The following SEMA6D variants were observed in gnomAD, a reference collection of about 807,000 sequenced individuals.
The protein encoded by SEMA6D is semaphorin-6D.
A neutral mutation model predicts 106.6 loss-of-function variants in SEMA6D; 35 were observed. The observed-to-expected ratio is 0.33, with a 90% CI of 0.25 to 0.44. The LOEUF (loss-of-function observed/expected upper bound fraction) is 0.44. Among genes scored for constraint, SEMA6D ranks in the 20% least tolerant of loss-of-function variants. SEMA6D has a pLI of 1.00. For synonymous variants in SEMA6D, 499 were observed against 487.7 expected (o/e 1.02, Z -0.31); for missense variants, 1,185 against 1,345.9 (o/e 0.88, Z 1.87).
intron 3 of SEMA6D, among the ~76,000 whole-genome samples, chr15:47,518,458 G>T (rs528956744): frequency 6.6e-5 from 10 of 152,268 alleles, no homozygotes; most frequent in Middle Eastern, 3.4e-3. Context: ...AGGTGATTTT[G>T]TCTTTGTGCA....
chr15:47,222,230 G>C (rs1423708383), intron 1 of SEMA6D, among the ~76,000 whole-genome samples: 1 of 152,180 alleles, frequency 6.6e-6, no homozygotes. Context: ...ACATCCTACA[G>C]AAATGACCCA....
At chr15:47,409,027 T>G (rs2040693887) in intron 1 of SEMA6D, among the ~76,000 whole-genome samples, 1 of 152,214 alleles carries the variant, frequency 6.6e-6, no homozygotes, top group African/African-American at 2.4e-5. Flanking sequence ...ACTGATGCAC[T>G]TCAAGTATTA....
chr15:47,536,968 A>G (rs1029693737), intron 3 of SEMA6D, among the ~76,000 whole-genome samples: 2 of 152,240 alleles, frequency 1.3e-5, no homozygotes, highest in Middle Eastern at 3.2e-3. Context: ...GAAAACATTT[A>G]ATTAAGAAAA....
chr15:47,232,721 A>G (rs1839385435), intron 1 of SEMA6D, among the ~76,000 whole-genome samples: 1 of 151,210 alleles, frequency 6.6e-6, no homozygotes, highest in African/African-American at 2.4e-5. Flanking sequence ...TTTTCCATTC[A>G]TATACTTTGT....
chr15:47,282,516 C>G (rs2035173679), intron 1 of SEMA6D, among the ~76,000 whole-genome samples: 1 of 152,146 alleles, frequency 6.6e-6, no homozygotes, highest in African/African-American at 2.4e-5. Context: ...ACTGTTGCTA[C>G]AAACACTCTT....
intron 3 of SEMA6D, among the ~76,000 whole-genome samples, chr15:47,545,257 T>C (rs2045484728): frequency 6.6e-6 from 1 of 152,120 alleles, no homozygotes. Context: ...TATAACCAAT[T>C]GAGTTGCAAA....
chr15:47,739,333 G>C (rs895815717), intron 1 of SEMA6D, among the ~76,000 whole-genome samples: 1 of 152,168 alleles, frequency 6.6e-6, no homozygotes, highest in Non-Finnish European at 1.5e-5. Context: ...ATAGTCCAGG[G>C]ATGGGTTCTC....
intron 1 of SEMA6D, among the ~76,000 whole-genome samples, chr15:47,200,473 C>T (rs879583751): frequency 6.6e-6 from 1 of 152,050 alleles, no homozygotes; most frequent in African/African-American, 2.4e-5. Flanking sequence ...TACTCAAAAG[C>T]ATAAAATAAG....
chr15:47,772,812 CAA>C lies in SEMA6D; in HGVS notation c.*1028_*1029del, dbSNP rs2082691310. 1 of 117,724 alleles carries C rather than the reference CAA, an allele frequency of 8.5e-6. No individual in the cohort carries two copies. 7.3% of individuals were successfully genotyped at this position (117,724 alleles called of 1,614,324 possible). A position where few individuals can be genotyped will look rare whatever the true frequency, so the allele number is the denominator to read the frequency against. ...TTGATTGTGTTCGTTTCCCCCCCCC[CAA>C]TAGTAAAATTTCTCCTCCTTTAACT... On this transcript the variant is annotated 3_prime_UTR_variant, in exon 19 of 19. Transcript: ENST00000536845.
chr15:47,276,511 T>G (rs2034822142), intron 1 of SEMA6D, among the ~76,000 whole-genome samples: 1 of 152,142 alleles, frequency 6.6e-6, no homozygotes, highest in African/African-American at 2.4e-5. Context: ...CTAACTCTGC[T>G]CTGTTTGTGC....
At chr15:47,511,453 G>A (rs2044226460) in intron 3 of SEMA6D, among the ~76,000 whole-genome samples, 1 of 152,148 alleles carries the variant, frequency 6.6e-6, no homozygotes, top group African/African-American at 2.4e-5. Flanking sequence ...TGGACAGTTG[G>A]CCAGCAGTAT....
At chr15:47,385,859 A>T (rs569790749) in intron 1 of SEMA6D, among the ~76,000 whole-genome samples, 1 of 152,228 alleles carries the variant, frequency 6.6e-6, no homozygotes, top group African/African-American at 2.4e-5. Flanking sequence ...TTATTATGTT[A>T]GCAAGGAATT....
intron 3 of SEMA6D, among the ~76,000 whole-genome samples, chr15:47,481,777 G>C (rs190653196): frequency 7.9e-5 from 12 of 152,238 alleles, no homozygotes; most frequent in African/African-American, 2.9e-4. Flanking sequence ...GAGCATAAAT[G>C]CATGTCATGT....
At chr15:47,750,353 T>C (rs1217922745) in intron 1 of SEMA6D, among the ~76,000 whole-genome samples, 3 of 152,190 alleles carry the variant, frequency 2.0e-5, no homozygotes, top group South Asian at 4.1e-4. Flanking sequence ...AACAGGTTTC[T>C]ACAGTTTTAA....
At chr15:47,664,688 C>T (rs2077991546) in intron 4 of SEMA6D, among the ~76,000 whole-genome samples, 1 of 152,166 alleles carries the variant, frequency 6.6e-6, no homozygotes, top group Admixed American at 6.5e-5. Flanking sequence ...CCCGTGTGTA[C>T]CTCTCCTGTC....
intron 1 of SEMA6D, among the ~76,000 whole-genome samples, chr15:47,298,599 T>C (rs1316403384): frequency 6.6e-6 from 1 of 152,098 alleles, no homozygotes; most frequent in Non-Finnish European, 1.5e-5. Flanking sequence ...AAATGACCCA[T>C]TACGTCTGTG....
At chr15:47,193,300 C>T (rs749206118) in intron 1 of SEMA6D, among the ~76,000 whole-genome samples, 3 of 152,076 alleles carry the variant, frequency 2.0e-5, no homozygotes, top group Admixed American at 6.6e-5. Context: ...ATACAAAATA[C>T]GAAATGCTCC....
At chr15:47,222,956 C>A (rs2031332417) in intron 1 of SEMA6D, among the ~76,000 whole-genome samples, 2 of 152,114 alleles carry the variant, frequency 1.3e-5, no homozygotes, top group Non-Finnish European at 2.9e-5. Context: ...GACTAAAAAA[C>A]CACACTGAAG....
At chr15:47,561,674 G>A (rs1447904140) in intron 3 of SEMA6D, among the ~76,000 whole-genome samples, 2 of 151,006 alleles carry the variant, frequency 1.3e-5, no homozygotes, top group African/African-American at 4.9e-5. Flanking sequence ...TTAAATATAG[G>A]ATATTTTAAA....
Sources: gnomAD v4.1 joint callset for allele counts (sites outside exome capture counted in the v4.1 genomes callset) on GRCh38, gnomAD v4.1.1 for gene constraint, MANE v1.5 for transcripts, NCBI Gene and HGNC (gene_info 2026-07-23, HGNC 2026-07-21) for gene names.